Variants in EED observed in about 807,000 individuals in gnomAD.
EED encodes embryonic ectoderm development.
A neutral mutation model predicts 61.0 loss-of-function variants in EED; 9 were observed. That is an observed-to-expected ratio of 0.15 (90% CI 0.09 to 0.26). The LOEUF is 0.26. Ranked by LOEUF, EED falls within the 10% of genes least tolerant of loss-of-function variation. The pLI is 1.00. For missense variants in EED, 315 were observed against 542.3 expected (o/e 0.58, Z 4.16); for synonymous variants, 187 against 174.4 (o/e 1.07, Z -0.57).
downstream of EED, among the ~76,000 whole-genome samples, chr11:86,283,551 CAG>C (rs563553978): frequency 9.2e-5 from 14 of 152,242 alleles, no homozygotes; most frequent in South Asian, 2.1e-4. Flanking sequence ...TTTCATGTAA[CAG>C]GGGTCAGAAT....
intron 6 of EED, among the ~76,000 whole-genome samples, chr11:86,260,285 T>A (rs1286251851): frequency 6.6e-6 from 1 of 152,060 alleles, no homozygotes; most frequent in Non-Finnish European, 1.5e-5. Context: ...TATAGTAGAG[T>A]GATGTGATCA....
intron 8 of EED, among the ~76,000 whole-genome samples, chr11:86,267,622 C>T (rs10898461): frequency 0.41 from 61,900 of 151,716 alleles, 12,756 homozygotes; most frequent in East Asian, 0.51. Flanking sequence ...TTTTTTGAGA[C>T]GGAGTTTTGC....
chr11:86,247,572 GATA>G (rs1348985494), intron 1 of EED, among the ~76,000 whole-genome samples: 5 of 152,140 alleles, frequency 3.3e-5, no homozygotes, highest in Non-Finnish European at 5.9e-5. Context: ...GTGTTACCTA[GATA>G]ATAATAGAAG....
downstream of EED, among the ~76,000 whole-genome samples, chr11:86,282,382 C>A (rs76154462): frequency 0.035 from 5,361 of 152,170 alleles, 140 homozygotes; most frequent in Non-Finnish European, 0.049. Flanking sequence ...TTTTCAGATT[C>A]CCAGTAATTC....
chr11:86,259,463 C>T (rs576263887), intron 6 of EED, among the ~76,000 whole-genome samples: 3 of 152,032 alleles, frequency 2.0e-5, no homozygotes, highest in African/African-American at 4.8e-5. Flanking sequence ...AGGCACGTGC[C>T]GCCATACCTG....
Position 86,245,016 on chromosome 11 carries a change from G to A in EED, c.-214G>A, listed in dbSNP as rs1945348393. On this transcript the variant is annotated 5_prime_UTR_variant, in exon 1 of 12. Transcript: ENST00000263360. ...AGGGAAGGAGCCAGGAAGCCGCGCG[G>A]GAGGGCGCGCGCGCGCGCCCCTTTT... 2.1e-6 allele frequency: 1 copy of A among 472,238 alleles called. No homozygotes were observed. The highest frequency in any genetic ancestry group is 3.8e-6 in the Non-Finnish European group (1 of 266,246). The allele number at this position is 472,238 out of a possible 1,614,324, so 29.3% of individuals were successfully genotyped here.
At chr11:86,245,674 G>T (rs181284901) in intron 1 of EED, among the ~76,000 whole-genome samples, 1 of 152,178 alleles carries the variant, frequency 6.6e-6, no homozygotes, top group Non-Finnish European at 1.5e-5. Flanking sequence ...TAGTTTAAAA[G>T]GCACGTTAGA....
intron 6 of EED, 72 bp downstream of exon 6, chr11:86,257,668 A>G (rs1047089343): frequency 2.4e-6 from 3 of 1,234,256 alleles, no homozygotes; most frequent in South Asian, 2.9e-5. Flanking sequence ...ATGTCAAGAA[A>G]ACCCTGACAA....
chr11:86,261,542 A>G lies in EED; in HGVS notation c.635-2630A>G, dbSNP rs562132587. ...GGATTTGGGGGATGGCTTTTTCCCC[A>G]TGGCTCCACCAGGTGTTGCTGTAGT... On this transcript the variant is annotated intron_variant, in intron 6 of 11. Coordinates refer to ENST00000263360, the MANE Select transcript of EED (RefSeq NM_003797.5). Among the ~76,000 whole-genome samples, 86 of 152,284 alleles carry G rather than the reference A, an allele frequency of 5.6e-4. 1 individual carries two copies. Among genetic ancestry groups the G allele is most frequent in the African/African-American group, 2.0e-3 (83 of 41,540 alleles).
intron 2 of EED, 27 bp from the exon 3 acceptor site, chr11:86,252,121 T>A: frequency 6.3e-7 from 1 of 1,584,578 alleles, no homozygotes; most frequent in Non-Finnish European, 8.6e-7. Context: ...TACATTAATC[T>A]TTTCTTATTT....
At chr11:86,261,563 G>C (rs1354243600) in intron 6 of EED, among the ~76,000 whole-genome samples, 6 of 152,244 alleles carry the variant, frequency 3.9e-5, no homozygotes, top group Non-Finnish European at 5.9e-5. Flanking sequence ...AGGTGTTGCT[G>C]TAGTAGGAAC....
At chr11:86,268,613 GTGTGTGTGTGTGTA>G (rs775781239) in intron 9 of EED, 52 bp downstream of exon 9, 8 of 1,199,200 alleles carry the variant, frequency 6.7e-6, no homozygotes, top group South Asian at 3.0e-5. Context: ...GTGTGTGTGT[GTGTGTGTGTGTGTA>G]TGTGTGTGCG....
At chr11:86,256,262 T>C in intron 4 of EED, 125 bp from the exon 5 acceptor site, 2 of 869,124 alleles carry the variant, frequency 2.3e-6, no homozygotes, top group African/African-American at 3.4e-5. Context: ...ATATATTTGG[T>C]TGTATAAGGA....
At chr11:86,248,676 C>A (rs1287900268) in intron 1 of EED, among the ~76,000 whole-genome samples, 2 of 152,022 alleles carry the variant, frequency 1.3e-5, no homozygotes, top group African/African-American at 4.8e-5. Flanking sequence ...ACATTTTGAA[C>A]CTCTACTGTA....
chr11:86,270,484 A>C (rs1946090056), intron 9 of EED, among the ~76,000 whole-genome samples: 1 of 151,572 alleles, frequency 6.6e-6, no homozygotes, highest in Non-Finnish European at 1.5e-5. Flanking sequence ...CCTCTTTAAT[A>C]GGGTCTTTCA....
intron 8 of EED, 43 bp from the exon 9 acceptor site, chr11:86,268,413 T>C: frequency 2.3e-6 from 3 of 1,312,352 alleles, no homozygotes; most frequent in Non-Finnish European, 3.2e-6. Flanking sequence ...GATTCTACTA[T>C]AATTTTTTCT....
At chr11:86,287,140 T>C in the EED span, among the ~76,000 whole-genome samples, 2 of 152,050 alleles carry the variant, frequency 1.3e-5, no homozygotes, top group Non-Finnish European at 2.9e-5. Context: ...ACTAAATTGA[T>C]TTCACAACCT....
intron 1 of EED, among the ~76,000 whole-genome samples, chr11:86,246,294 C>A (rs1401551424): frequency 6.6e-6 from 1 of 152,186 alleles, no homozygotes; most frequent in Non-Finnish European, 1.5e-5. Context: ...AGATACTACT[C>A]CAAAATGTGA....
In EED at chr11:86,245,081, G is replaced by A; in HGVS notation, c.-149G>A. On this transcript the variant is annotated 5_prime_UTR_variant, in exon 1 of 12. Coordinates refer to ENST00000263360, the MANE Select transcript of EED (RefSeq NM_003797.5). ...GGGTCGCACGCACGCCCGCCTCGGC[G>A]GCTGGGCGCGATTTGCGACAGTGGG... 3 of 589,614 alleles carry A rather than the reference G, an allele frequency of 5.1e-6. No individual in the cohort carries two copies. Among genetic ancestry groups the A allele is most frequent in the Non-Finnish European group, 5.7e-6 (2 of 348,942 alleles). The allele number at this position is 589,614 out of a possible 1,614,324, so 36.5% of individuals were successfully genotyped here.
Sources: gnomAD v4.1 joint callset for allele counts (sites outside exome capture counted in the v4.1 genomes callset) on GRCh38, gnomAD v4.1.1 for gene constraint, MANE v1.5 for transcripts, NCBI Gene and HGNC (gene_info 2026-07-23, HGNC 2026-07-21) for gene names.